The following MBNL1 variants were observed in gnomAD, a reference collection of about 807,000 sequenced individuals.
MBNL1 encodes the protein muscleblind like splicing regulator 1, also known as muscleblind-like protein 1.
Under a neutral mutation model 42.2 loss-of-function variants are expected in MBNL1, and 8 were observed. The observed-to-expected ratio is 0.19, with a 90% CI of 0.11 to 0.34. MBNL1 has a LOEUF of 0.34. Ranked by LOEUF, MBNL1 falls within the 10% of genes least tolerant of loss-of-function variation. MBNL1 has a pLI of 1.00. For missense variants in MBNL1, 309 were observed against 495.3 expected (o/e 0.62, Z 3.57); for synonymous variants, 169 against 173.9 (o/e 0.97, Z 0.22).
intron 2 of MBNL1, among the ~76,000 whole-genome samples, chr3:152,376,462 G>A (rs1278174494): frequency 6.6e-6 from 1 of 152,132 alleles, no homozygotes; most frequent in Admixed American, 6.6e-5. Flanking sequence ...GCTCTTGAGA[G>A]TGTAGTTATG....
At chr3:152,316,491 G>A (rs908027654) in intron 2 of MBNL1, among the ~76,000 whole-genome samples, 12 of 152,032 alleles carry the variant, frequency 7.9e-5, no homozygotes, top group Non-Finnish European at 1.3e-4. Context: ...TTTTCCAAGC[G>A]TCCTGCCTGC....
intron 1 of MBNL1, among the ~76,000 whole-genome samples, chr3:152,271,274 G>C (rs975446461): frequency 6.6e-5 from 10 of 151,938 alleles, no homozygotes; most frequent in African/African-American, 2.4e-4. Context: ...TGAAACACTG[G>C]GTTTTGTTCC....
chr3:152,306,927 G>A (rs892125991), intron 2 of MBNL1, among the ~76,000 whole-genome samples: 1 of 151,988 alleles, frequency 6.6e-6, no homozygotes, highest in East Asian at 1.9e-4. Flanking sequence ...ATCACAAATG[G>A]ATTTATTTTT....
rs968917592 is a variant in MBNL1, at chr3:152,248,594, AT to A, written n.333+4163del. Among the ~76,000 whole-genome samples the A allele has an allele frequency of 1.4e-3, 203 of 149,856 alleles. 2 individuals are homozygous for A. The highest frequency in any genetic ancestry group is 4.4e-3 in the African/African-American group (179 of 40,864). On this transcript the variant is annotated intron_variant and non_coding_transcript_variant, in intron 2 of 2. Transcript: ENST00000477171. ...TTTCCAAGAATAGAGATAATCTCTTATTTTTTTTTCAAATAAAATTTTTTAA... is the reference window on the plus strand; with the variant it reads ...TTTCCAAGAATAGAGATAATCTCTTATTTTTTTTCAAATAAAATTTTTTAA...
intron 1 of MBNL1, among the ~76,000 whole-genome samples, chr3:152,276,751 G>A (rs903638445): frequency 2.0e-5 from 3 of 152,144 alleles, no homozygotes; most frequent in Non-Finnish European, 2.9e-5. Flanking sequence ...TTAATAATAC[G>A]TAGTGTGGAA....
intron 2 of MBNL1, among the ~76,000 whole-genome samples, chr3:152,366,124 G>GA (rs965523421): frequency 6.6e-5 from 10 of 151,612 alleles, no homozygotes; most frequent in East Asian, 1.9e-4. Context: ...ATTAAAATCA[G>GA]AAAAAAAAGA....
At chr3:152,301,372 G>C (rs563447854) in intron 2 of MBNL1, among the ~76,000 whole-genome samples, 1 of 152,178 alleles carries the variant, frequency 6.6e-6, no homozygotes, top group East Asian at 1.9e-4. Context: ...GACCTTTGAG[G>C]GGAGGACACT....
intron 3 of MBNL1, among the ~76,000 whole-genome samples, chr3:152,429,584 T>C (rs2098979248): frequency 1.3e-5 from 2 of 152,196 alleles, no homozygotes; most frequent in African/African-American, 4.8e-5. Flanking sequence ...GAGATTCTGC[T>C]GAACCCCCTG....
At chr3:152,325,151 T>C (rs2152481684) in intron 2 of MBNL1, among the ~76,000 whole-genome samples, 1 of 145,000 alleles carries the variant, frequency 6.9e-6, no homozygotes, top group African/African-American at 2.5e-5. Context: ...TGCCTGGGAC[T>C]CTTTTTTCTT....
chr3:152,408,974 A>G (rs1301174046), intron 2 of MBNL1, among the ~76,000 whole-genome samples: 1 of 152,210 alleles, frequency 6.6e-6, no homozygotes, highest in African/African-American at 2.4e-5. Context: ...TTTAGGATGT[A>G]TGTGCTCTTG....
chr3:152,450,673 C>T (rs1325642319), intron 6 of MBNL1, among the ~76,000 whole-genome samples: 1 of 152,178 alleles, frequency 6.6e-6, no homozygotes, highest in African/African-American at 2.4e-5. Flanking sequence ...CCATTTATAT[C>T]ATAGTCTGTG....
intron 2 of MBNL1, among the ~76,000 whole-genome samples, chr3:152,363,635 C>G (rs141308528): frequency 2.3e-3 from 349 of 152,200 alleles, no homozygotes; most frequent in African/African-American, 8.1e-3. Flanking sequence ...CATTAAGGTG[C>G]TAAGCTAGAA....
chr3:152,261,277 T>C (rs111286746), intron 2 of MBNL1, among the ~76,000 whole-genome samples: 151 of 152,326 alleles, frequency 9.9e-4, no homozygotes, highest in African/African-American at 3.4e-3. Context: ...CTCCTCATTA[T>C]GAGCATGGGG....
intron 2 of MBNL1, among the ~76,000 whole-genome samples, chr3:152,257,037 T>C (rs1559938178): frequency 6.6e-6 from 1 of 152,166 alleles, no homozygotes; most frequent in Non-Finnish European, 1.5e-5. Flanking sequence ...GGATTATAGA[T>C]GACTTATGTG....
At chr3:152,300,965 T>C (rs563494044) in intron 2 of MBNL1, 1 of 969,908 alleles carries the variant, frequency 1.0e-6, no homozygotes, top group Non-Finnish European at 1.2e-6. Context: ...GGCACAAACT[T>C]TGTTGCATGT....
chr3:152,424,498 C>G (rs2098869934), intron 3 of MBNL1, among the ~76,000 whole-genome samples: 1 of 151,808 alleles, frequency 6.6e-6, no homozygotes, highest in South Asian at 2.1e-4. Flanking sequence ...GCCATACTGT[C>G]CAAAGTAATT....
intron 2 of MBNL1, among the ~76,000 whole-genome samples, chr3:152,330,419 A>G (rs1667122634): frequency 6.6e-6 from 1 of 152,194 alleles, no homozygotes; most frequent in Non-Finnish European, 1.5e-5. Flanking sequence ...TTATATTAGC[A>G]TGACACCAGG....
chr3:152,340,780 C>T, intron 2 of MBNL1: 1 of 1,614,042 alleles, frequency 6.2e-7, no homozygotes, highest in Non-Finnish European at 8.5e-7. Context: ...GAAGAAGAAT[C>T]CAGCAGAAGG....
chr3:152,339,673 C>T (rs1468173396), intron 2 of MBNL1: 2 of 152,070 alleles, frequency 1.3e-5, no homozygotes, highest in Non-Finnish European at 2.9e-5. Flanking sequence ...TAGCTTACTA[C>T]CACATTGGAG....
Sources: allele counts gnomAD v4.1 joint callset (sites outside exome capture counted in the v4.1 genomes callset), GRCh38; gene constraint gnomAD v4.1.1; transcripts MANE v1.5; gene names NCBI Gene and HGNC (gene_info 2026-07-23, HGNC 2026-07-21).